Variants in RAB7A observed in about 807,000 individuals in gnomAD.
The protein encoded by RAB7A is RAB7A, member RAS oncogene family, also known as ras-related protein Rab-7a.
Under a neutral mutation model 24.5 loss-of-function variants are expected in RAB7A, and 2 were observed. The ratio of observed to expected loss-of-function variants is 0.08; its 90% CI spans 0.03 to 0.26. The LOEUF is 0.26. Among genes scored for constraint, RAB7A ranks in the 10% least tolerant of loss-of-function variants. The probability of loss-of-function intolerance (pLI) is 1.00; values close to 1 mark genes in which losing one functional copy is unlikely to be tolerated. For synonymous variants in RAB7A, 100 were observed against 95.9 expected (o/e 1.04, Z -0.25); for missense variants, 118 against 255.7 (o/e 0.46, Z 3.67).
At chr3:128,764,584 G>C in intron 1 of RAB7A, 1 of 1,402,676 alleles carries the variant, frequency 7.1e-7, no homozygotes, top group South Asian at 1.2e-5. Flanking sequence ...TTCTTTGATG[G>C]CTTTCACCTG....
intron 5 of RAB7A, among the ~76,000 whole-genome samples, chr3:128,811,583 C>T (rs976544635): frequency 2.0e-5 from 3 of 152,216 alleles, no homozygotes; most frequent in Admixed American, 2.0e-4. Context: ...GATGCAGTGG[C>T]TCATGCCTAA....
chr3:128,791,227 C>T lies in RAB7A; in HGVS notation c.-8-4133C>T, dbSNP rs539044144. 6.6e-5 allele frequency among the ~76,000 whole-genome samples: 10 copies of T among 152,000 alleles called. No homozygotes were observed. In the South Asian group the frequency reaches 1.9e-3, roughly 28 times the overall value. Reference sequence around the variant, plus strand: ...TGTGATCTCAGCTCACTGAAACCTCCGCCTCCTGAGTTCAAGCGATTCTCC... The same window carrying T: ...TGTGATCTCAGCTCACTGAAACCTCTGCCTCCTGAGTTCAAGCGATTCTCC... On this transcript the variant is annotated intron_variant, in intron 1 of 5. Transcript: ENST00000265062.
At chr3:128,795,275 G>A in intron 1 of RAB7A, 85 bp from the exon 2 acceptor site, 1 of 1,140,726 alleles carries the variant, frequency 8.8e-7, no homozygotes. Context: ...GCACTGTTGG[G>A]GCTGCTCAGA....
chr3:128,761,209 A>G (rs2070773668), intron 1 of RAB7A, among the ~76,000 whole-genome samples: 1 of 152,224 alleles, frequency 6.6e-6, no homozygotes, highest in Non-Finnish European at 1.5e-5. Context: ...ACATCTAGGT[A>G]TCCTCTTTGG....
chr3:128,773,325 G>A (rs1932998619), intron 1 of RAB7A, among the ~76,000 whole-genome samples: 3 of 149,170 alleles, frequency 2.0e-5, no homozygotes, highest in South Asian at 2.1e-4. Flanking sequence ...CCCGGCAGCC[G>A]CCCCATCTGA....
intron 1 of RAB7A, among the ~76,000 whole-genome samples, chr3:128,733,226 C>T (rs936185131): frequency 1.3e-5 from 2 of 152,120 alleles, no homozygotes; most frequent in Non-Finnish European, 2.9e-5. Context: ...CTGATGCTTG[C>T]GTAGTGAGTC....
At chr3:128,799,906 A>G (rs865903818) in intron 3 of RAB7A, among the ~76,000 whole-genome samples, 2 of 152,214 alleles carry the variant, frequency 1.3e-5, no homozygotes, top group African/African-American at 4.8e-5. Context: ...TCATAACCAC[A>G]TGAGGAAATA....
At chr3:128,752,381 G>A (rs2070690599) in intron 1 of RAB7A, among the ~76,000 whole-genome samples, 1 of 149,408 alleles carries the variant, frequency 6.7e-6, no homozygotes, top group Non-Finnish European at 1.5e-5. Context: ...TAAAAAGTGG[G>A]ACAAAAGAGT....
At chr3:128,745,858 G>A (rs1346271878) in intron 1 of RAB7A, among the ~76,000 whole-genome samples, 1 of 152,184 alleles carries the variant, frequency 6.6e-6, no homozygotes, top group East Asian at 1.9e-4. Flanking sequence ...AGACTTTGTT[G>A]GCAGTTTGCA....
chr3:128,753,080 GATC>G (rs1156368660), intron 1 of RAB7A, among the ~76,000 whole-genome samples: 3 of 152,152 alleles, frequency 2.0e-5, no homozygotes, highest in East Asian at 1.9e-4. Context: ...TTCCCCAGAA[GATC>G]ATCATCGGAT....
chr3:128,745,769 A>G (rs964055105), intron 1 of RAB7A, among the ~76,000 whole-genome samples: 2 of 152,142 alleles, frequency 1.3e-5, no homozygotes, highest in African/African-American at 4.8e-5. Flanking sequence ...GGATGGAGGG[A>G]CTCACCCCTT....
At chr3:128,766,628 G>A (rs1359513975) in intron 1 of RAB7A, among the ~76,000 whole-genome samples, 1 of 151,988 alleles carries the variant, frequency 6.6e-6, no homozygotes, top group African/African-American at 2.4e-5. Context: ...CATTTTGGTT[G>A]GTTGGTTTGT....
chr3:128,795,294 C>CCCTT, intron 1 of RAB7A, 66 bp from the exon 2 acceptor site: 1 of 1,344,778 alleles, frequency 7.4e-7, no homozygotes, highest in South Asian at 1.2e-5. Flanking sequence ...GACATTTGTG[C>CCCTT]AAGGGAGGTG....
chr3:128,747,872 A>G (rs1233311508), intron 1 of RAB7A, among the ~76,000 whole-genome samples: 19 of 151,292 alleles, frequency 1.3e-4, no homozygotes, highest in Admixed American at 7.2e-4. Context: ...GGCTCAAGCA[A>G]TTCTCCTGCC....
Position 128,814,470 on chromosome 3 carries a change from A to G in RAB7A, c.*1048A>G, listed in dbSNP as rs762072514. The stretch of plus-strand genomic sequence containing the variant: ...CCCGTTAGATCAGCATTCTACTACA[A>G]GAGTGAAAGGAAAACCCTAACAGAT... On this transcript the variant is annotated 3_prime_UTR_variant, in exon 6 of 6. Transcript: ENST00000265062. 6.5e-6 allele frequency: 1 copy of G among 152,728 alleles called. No homozygotes were observed. The highest frequency in any genetic ancestry group is 2.4e-5 in the African/African-American group (1 of 41,568). 9.5% of individuals were successfully genotyped at this position (152,728 alleles called of 1,614,324 possible).
chr3:128,747,964 C>T (rs570374518), intron 1 of RAB7A, among the ~76,000 whole-genome samples: 2 of 152,232 alleles, frequency 1.3e-5, no homozygotes, highest in South Asian at 2.1e-4. Context: ...GACGAGGTTT[C>T]ACCATGTTGG....
At chr3:128,733,400 G>C (rs2070457325) in intron 1 of RAB7A, among the ~76,000 whole-genome samples, 1 of 152,180 alleles carries the variant, frequency 6.6e-6, no homozygotes, top group South Asian at 2.1e-4. Flanking sequence ...TTGCTCAGTA[G>C]TATTATGTGA....
rs182006214 is a variant in RAB7A at position 128,759,916 on chromosome 3, G to T, written c.-9+33557G>T. On this transcript the variant is annotated intron_variant, in intron 1 of 5. Transcript: ENST00000265062. ...GTAGAGACGGGGTTTCTCCATATTGGTCAGGCTGGTCTCTAACTCCCGACC... is the reference window on the plus strand; with the variant it reads ...GTAGAGACGGGGTTTCTCCATATTGTTCAGGCTGGTCTCTAACTCCCGACC... Among the ~76,000 whole-genome samples, 51 of 152,158 alleles carry T rather than the reference G, an allele frequency of 3.4e-4. 1 individual carries two copies. The East Asian group carries it at 8.3e-3, about 25-fold the overall frequency.
chr3:128,746,218 A>G (rs1384810855), intron 1 of RAB7A, among the ~76,000 whole-genome samples: 1 of 152,076 alleles, frequency 6.6e-6, no homozygotes, highest in Non-Finnish European at 1.5e-5. Flanking sequence ...GCCTCTGTTC[A>G]CCATCAGTCT....
Sources: gnomAD v4.1 joint callset for allele counts (sites outside exome capture counted in the v4.1 genomes callset) on GRCh38, gnomAD v4.1.1 for gene constraint, MANE v1.5 for transcripts, NCBI Gene and HGNC (gene_info 2026-07-23, HGNC 2026-07-21) for gene names.